TNN: variants seen among roughly 807,000 people sequenced by gnomAD.
TNN encodes the protein tenascin N.
TNN carries 122 observed loss-of-function variants against 134.4 expected under a neutral mutation model. The ratio of observed to expected loss-of-function variants is 0.91; its 90% CI spans 0.78 to 1.06. TNN has a LOEUF of 1.06. Ranked by LOEUF, TNN falls within the 50% of genes least tolerant of loss-of-function variation. The pLI is 0.00. For missense variants in TNN, 1,739 were observed against 1,699.4 expected (o/e 1.02, Z -0.41); for synonymous variants, 710 against 670.3 (o/e 1.06, Z -0.91).
chr1:175,078,783 A>T (rs1189944615), intron 2 of TNN, among the ~76,000 whole-genome samples: 1 of 152,198 alleles, frequency 6.6e-6, no homozygotes, highest in Non-Finnish European at 1.5e-5. Context: ...TCCCTTCTCC[A>T]CTGTACCCAT....
Position 175,094,186 on chromosome 1 carries a change from C to T in TNN, c.1521C>T (p.Tyr507=). ...CGGGCCTGAAGCCAGGAGAGGCATA[C>T]AAGGTCTACGTGTGGGCTGAAAGGG... The part of the protein sequence containing the change: ...VLTGLKPGEA[Y]KVYVWAERGN... The change falls in exon 7 of 19, where the codon TAC becomes TAT. Residue 507 remains tyrosine (Y), a synonymous_variant. Coordinates refer to ENST00000239462, the MANE Select transcript of TNN (RefSeq NM_022093.2). The T allele has an allele frequency of 1.2e-6, 2 of 1,614,122 alleles. No homozygotes were observed. The highest frequency in any genetic ancestry group is 1.7e-6 in the Non-Finnish European group (2 of 1,179,982).
rs142549967 is a variant in TNN at position 175,098,434 on chromosome 1, G to A, written c.1958G>A (p.Arg653His). The part of the protein sequence containing the change: ...VQAAIDKYVV[R>H]YTSAGGETRE... The stretch of plus-strand genomic sequence containing the variant: ...GCCGCCATTGACAAGTACGTGGTGC[G>A]CTACACCTCTGCTGGTGGAGAGACC... The change falls in exon 9 of 19, where the codon CGC becomes CAC. Residue 653 changes from arginine to histidine, a missense_variant. Arg to His is a conservative substitution (Grantham distance 29). Transcript: ENST00000239462. The A allele has an allele frequency of 6.8e-6, 11 of 1,614,058 alleles. No individual in the cohort carries two copies. In the African/African-American group the frequency reaches 8.0e-5, roughly 12 times the overall value.
chr1:175,128,549 C>T, intron 14 of TNN, 46 bp from the exon 15 acceptor site: 1 of 1,537,484 alleles, frequency 6.5e-7, no homozygotes, highest in Non-Finnish European at 8.8e-7. Context: ...CCACCTCTTT[C>T]CTCCTTGCCC....
At chr1:175,071,537 G>A (rs1673913725) in intron 1 of TNN, among the ~76,000 whole-genome samples, 1 of 152,202 alleles carries the variant, frequency 6.6e-6, no homozygotes, top group Admixed American at 6.5e-5. Flanking sequence ...ATCATCCTTG[G>A]CACCACTCAG....
chr1:175,125,745 CTTTCTT>C (rs1675504827), intron 12 of TNN, among the ~76,000 whole-genome samples: 1 of 133,330 alleles, frequency 7.5e-6, no homozygotes, highest in Non-Finnish European at 1.6e-5. Flanking sequence ...TTCTTTCTTT[CTTTCTT>C]TCTTTCTCTC....
intron 2 of TNN, 61 bp from the exon 3 acceptor site, chr1:175,079,272 G>A: frequency 6.6e-7 from 1 of 1,508,630 alleles, no homozygotes; most frequent in Non-Finnish European, 8.8e-7. Context: ...TGATCTCAGA[G>A]GAAGGAGATC....
intron 11 of TNN, 112 bp downstream of exon 11, chr1:175,118,936 G>A (rs1675267888): frequency 1.5e-6 from 2 of 1,371,094 alleles, no homozygotes; most frequent in South Asian, 1.4e-5. Flanking sequence ...GCTGCAGACT[G>A]TTTTAGGAGA....
intron 9 of TNN, among the ~76,000 whole-genome samples, chr1:175,112,195 C>G (rs887870688): frequency 6.6e-6 from 1 of 151,946 alleles, no homozygotes; most frequent in African/African-American, 2.4e-5. Context: ...GGGTTTTTAT[C>G]ATGAAACGTT....
chr1:175,129,842 C>A (rs1251171391), intron 15 of TNN, among the ~76,000 whole-genome samples: 1 of 152,088 alleles, frequency 6.6e-6, no homozygotes, highest in East Asian at 1.9e-4. Flanking sequence ...AACTGGAGTC[C>A]ATTGTCCAAG....
At chr1:175,069,234 C>T (rs913668411) in intron 1 of TNN, among the ~76,000 whole-genome samples, 6 of 152,138 alleles carry the variant, frequency 3.9e-5, no homozygotes, top group South Asian at 2.1e-4. Flanking sequence ...GTCAGGGCTA[C>T]GTATTGGCAG....
rs1455773702 is a variant in TNN at position 175,077,622 on chromosome 1, T to C, written c.204T>C (p.Asp68=). 4 of 1,614,192 alleles carry C rather than the reference T, an allele frequency of 2.5e-6. No homozygotes were observed. Among genetic ancestry groups the C allele is most frequent in the Non-Finnish European group, 3.4e-6 (4 of 1,180,024 alleles). The change falls in exon 2 of 19, where the codon GAT becomes GAC. Residue 68 remains aspartate (D), a synonymous_variant. Transcript: ENST00000239462. ...VDADPQPLSD[D]GASLLALGEA... Reference sequence around the variant, plus strand: ...CTGACCCTCAGCCCCTCAGTGACGATGGGGCTTCGCTCTTGGCCCTGGGGG... The same window carrying C: ...CTGACCCTCAGCCCCTCAGTGACGACGGGGCTTCGCTCTTGGCCCTGGGGG...
Position 175,088,659 on chromosome 1 carries a change from A to G in TNN, c.1324+3165A>G, listed in dbSNP as rs1252283864. Among the ~76,000 whole-genome samples, 17 of 152,298 alleles carry G rather than the reference A, an allele frequency of 1.1e-4. 1 individual carries two copies. Among genetic ancestry groups the G allele is most frequent in the East Asian group, 3.9e-4 (2 of 5,184 alleles). On this transcript the variant is annotated intron_variant, in intron 6 of 18. Transcript: ENST00000239462. ...TTCCTAACAGAAAGCTTATCTCTGC[A>G]AGTGGGTTTCTGTTGTTACTTAGCC...
At position 175,123,584 on chromosome 1, in the gene TNN, A is replaced by G. The variant is rs1675435752; in HGVS notation, c.2835A>G (p.Pro945=). 13 of 1,614,086 alleles carry G rather than the reference A, an allele frequency of 8.1e-6. No homozygotes were observed. The highest frequency in any genetic ancestry group is 4.5e-5 in the East Asian group (2 of 44,872). The change falls in exon 12 of 19, where the codon CCA becomes CCG. Residue 945 remains proline, a synonymous_variant. Transcript: ENST00000239462. ...HSSTVLTGLR[P]GMEYMVHVWA... is the part of the protein sequence containing the mutation. ...GCACTGTCCTGACGGGCCTGAGACC[A>G]GGCATGGAGTACATGGTGCACGTGT... is the stretch of plus-strand genomic sequence containing the variant.
intron 9 of TNN, among the ~76,000 whole-genome samples, chr1:175,112,564 G>T (rs1401646827): frequency 1.9e-5 from 2 of 105,758 alleles, no homozygotes; most frequent in African/African-American, 6.9e-5. Context: ...ACATAAGTGG[G>T]TCATTTTTTT....
rs148716803 is a variant in TNN, at chr1:175,094,500, C to A, written c.1588+247C>A. On this transcript the variant is annotated intron_variant, in intron 7 of 18. Coordinates refer to ENST00000239462, the MANE Select transcript of TNN (RefSeq NM_022093.2). ...TTTGAGTTGGAATTCCGTATGCAAC[C>A]CCCTCAGAATAGAGTAACACTTCCT... 7.9e-3 allele frequency among the ~76,000 whole-genome samples: 1,206 copies of A among 152,222 alleles called. 14 individuals are homozygous for A. The highest frequency in any genetic ancestry group is 0.027 in the African/African-American group (1,116 of 41,528).
intron 17 of TNN, among the ~76,000 whole-genome samples, chr1:175,144,169 A>C (rs1269235429): frequency 6.6e-6 from 1 of 152,154 alleles, no homozygotes; most frequent in African/African-American, 2.4e-5. Context: ...ACTGTTGGAG[A>C]AACAGGCCTG....
rs565145307 is a variant in TNN at position 175,104,312 on chromosome 1, T to C, written c.2119+5717T>C. On this transcript the variant is annotated intron_variant, in intron 9 of 18. Coordinates refer to ENST00000239462, the MANE Select transcript of TNN (RefSeq NM_022093.2). ...CCAGGGCTCAGTGAGGGTGATGACA[T>C]GAGCTGGTGCTTGCCCCGGGCACCC... Among the ~76,000 whole-genome samples, 23 of 145,478 alleles carry C rather than the reference T, an allele frequency of 1.6e-4. 2 individuals carry two copies. The highest frequency in any genetic ancestry group is 5.4e-4 in the African/African-American group (22 of 40,502).
chr1:175,083,118 A>T (rs1438044312), intron 4 of TNN, among the ~76,000 whole-genome samples: 1 of 152,170 alleles, frequency 6.6e-6, no homozygotes, highest in Non-Finnish European at 1.5e-5. Flanking sequence ...ACCAGATGGA[A>T]GTGCTAAAAT....
chr1:175,089,002 C>G (rs1674382014), intron 6 of TNN, among the ~76,000 whole-genome samples: 1 of 152,248 alleles, frequency 6.6e-6, no homozygotes, highest in Admixed American at 6.5e-5. Context: ...TGTTGTTACT[C>G]AAAAGTGTTT....
Sources: gnomAD v4.1 joint callset for allele counts (sites outside exome capture counted in the v4.1 genomes callset) on GRCh38, gnomAD v4.1.1 for gene constraint, MANE v1.5 for transcripts, NCBI Gene and HGNC (gene_info 2026-07-23, HGNC 2026-07-21) for gene names.